The following ZNF569 variants were observed in gnomAD, a reference collection of about 807,000 sequenced individuals.
ZNF569 encodes DNA-binding protein.
A neutral mutation model predicts 56.3 loss-of-function variants in ZNF569; 38 were observed. The ratio of observed to expected loss-of-function variants is 0.68; its 90% CI spans 0.52 to 0.88. The LOEUF (loss-of-function observed/expected upper bound fraction) is 0.88, where lower values mean the gene tolerates loss of function less well. ZNF569 is among the 40% of genes least tolerant of loss of function. The pLI, the probability that ZNF569 is intolerant of heterozygous loss-of-function variation, is 0.00. For synonymous variants in ZNF569, 241 were observed against 262.9 expected, an observed-to-expected ratio of 0.92 and a Z score of 0.81; for missense variants, 666 against 809.2, an observed-to-expected ratio of 0.82 and a Z score of 2.15.
intron 2 of ZNF569, among the ~76,000 whole-genome samples, chr19:37,446,549 CAAAAAAAA>C (rs74174464): frequency 1.7e-5 from 1 of 60,454 alleles, no homozygotes; most frequent in African/African-American, 6.6e-5. Context: ...GACTCCATCT[CAAAAAAAA>C]AAAAAAAAAA....
Position 37,413,321 on chromosome 19 carries a change from G to C in ZNF569, c.1337C>G (p.Ala446Gly). ...AACAAGATTTGACATCTGTATAAAA[G>C]CTTTCCCACATTCATTACACTCATA... ...KPYECNECGK[A>G]FIQMSNLVRH... The change falls in exon 6 of 6, where the codon GCT becomes GGT. Residue 446 changes from alanine (A) to glycine (G), a missense_variant. Transcript: ENST00000316950. 1 of 1,608,060 alleles carries C rather than the reference G, an allele frequency of 6.2e-7. No individual in the cohort carries two copies. The highest frequency in any genetic ancestry group is 8.5e-7 in the Non-Finnish European group (1 of 1,178,148).
chr19:37,445,095 A>G (rs2041470685), intron 2 of ZNF569, 131 bp from the exon 3 acceptor site: 1 of 686,166 alleles, frequency 1.5e-6, no homozygotes, highest in South Asian at 2.2e-5. Context: ...AAGAATATTC[A>G]TACCACAAAG....
intron 2 of ZNF569, among the ~76,000 whole-genome samples, chr19:37,448,717 C>A (rs1049508645): frequency 4.0e-5 from 6 of 151,894 alleles, no homozygotes; most frequent in Admixed American, 1.3e-4. Context: ...GCGCCCGCAA[C>A]CACGCCCGGC....
intron 2 of ZNF569, among the ~76,000 whole-genome samples, chr19:37,452,537 A>G (rs1407344649): frequency 3.3e-5 from 5 of 152,116 alleles, no homozygotes; most frequent in Non-Finnish European, 7.3e-5. Flanking sequence ...TCATTTTTAA[A>G]GGATAGTTTT....
Position 37,412,449 on chromosome 19 carries a change from G to A in ZNF569, c.*148C>T. ...CATTATATAATTTGTCACCTTGGAA[G>A]AATTCTCTAATGTTTCATAAATTTG... is the stretch of plus-strand genomic sequence containing the variant. On this transcript the variant is annotated 3_prime_UTR_variant, in exon 6 of 6. Coordinates refer to ENST00000316950, the MANE Select transcript of ZNF569 (RefSeq NM_152484.3). 1 of 1,313,822 alleles carries A rather than the reference G, an allele frequency of 7.6e-7. No homozygotes were observed. Among genetic ancestry groups the A allele is most frequent in the Non-Finnish European group, 9.8e-7 (1 of 1,022,382 alleles). 81.4% of individuals were successfully genotyped at this position (1,313,822 alleles called of 1,614,324 possible).
chr19:37,451,062 T>C (rs993635227), intron 2 of ZNF569, among the ~76,000 whole-genome samples: 1 of 152,178 alleles, frequency 6.6e-6, no homozygotes, highest in Non-Finnish European at 1.5e-5. Context: ...GAAATGTCCA[T>C]GTGTACTGGA....
chr19:37,461,435 T>C (rs1227724372), intron 2 of ZNF569, among the ~76,000 whole-genome samples: 2 of 151,500 alleles, frequency 1.3e-5, no homozygotes, highest in East Asian at 1.9e-4. Context: ...GGCTCCAGAG[T>C]AGCTGGGACT....
At chr19:37,460,010 G>A (rs777632677) in intron 2 of ZNF569, among the ~76,000 whole-genome samples, 1 of 152,088 alleles carries the variant, frequency 6.6e-6, no homozygotes, top group Admixed American at 6.5e-5. Context: ...AATGAAAACC[G>A]TAGTAATCAG....
At chr19:37,468,130 G>A (rs2041882686), upstream of ZNF569, 12 of 612,118 alleles carry the variant, frequency 2.0e-5, no homozygotes, top group Admixed American at 2.6e-4. Flanking sequence ...TGTTGCCCAG[G>A]CTGGAGAGTG....
chr19:37,457,815 A>G (rs945662571), intron 2 of ZNF569, among the ~76,000 whole-genome samples: 2 of 152,200 alleles, frequency 1.3e-5, no homozygotes, highest in Non-Finnish European at 1.5e-5. Flanking sequence ...GTGCACATGT[A>G]CCCTAGAACT....
intron 2 of ZNF569, among the ~76,000 whole-genome samples, chr19:37,447,780 T>C (rs1158569357): frequency 6.6e-6 from 1 of 152,238 alleles, no homozygotes; most frequent in Non-Finnish European, 1.5e-5. Context: ...AATTCCTAGT[T>C]TGCTGAGGAG....
chr19:37,418,128 TAATAATAA>T (rs1025133808), intron 5 of ZNF569, among the ~76,000 whole-genome samples: 29 of 149,856 alleles, frequency 1.9e-4, no homozygotes, highest in Middle Eastern at 6.9e-3. Flanking sequence ...ATAATAATAA[TAATAATAA>T]AATAAAGTTC....
At chr19:37,440,055 T>C (rs1185678573) in intron 3 of ZNF569, among the ~76,000 whole-genome samples, 1 of 152,204 alleles carries the variant, frequency 6.6e-6, no homozygotes, top group Non-Finnish European at 1.5e-5. Flanking sequence ...TAAATTGGAT[T>C]GTTTGTAACA....
At chr19:37,420,143 C>G (rs987254513) in intron 5 of ZNF569, among the ~76,000 whole-genome samples, 1 of 151,630 alleles carries the variant, frequency 6.6e-6, no homozygotes, top group Admixed American at 6.6e-5. Context: ...TGCGCCACCA[C>G]GCCAGGCTAA....
At position 37,413,703 on chromosome 19, in the gene ZNF569, C is replaced by A. The variant is rs751998313; in HGVS notation, c.955G>T (p.Val319Phe). ...QKQSLIAHQK[V>F]HTGEKPYACN... is the part of the protein sequence containing the mutation. ...GCATAAGGTTTCTCCCCAGTATGAA[C>A]TTTCTGATGTGCAATGAGGCTTTGC... The change falls in exon 6 of 6, where the codon GTT (valine) becomes TTT (phenylalanine). Residue 319 changes from valine (V) to phenylalanine (F), a missense_variant. By Grantham distance (50) the Val-to-Phe change is conservative. Transcript: ENST00000316950. 3.7e-5 allele frequency: 59 copies of A among 1,613,560 alleles called. No homozygotes were observed. The highest frequency in any genetic ancestry group is 4.5e-5 in the Non-Finnish European group (53 of 1,179,818).
intron 3 of ZNF569, among the ~76,000 whole-genome samples, chr19:37,443,459 T>C (rs1184018573): frequency 6.6e-6 from 1 of 152,106 alleles, no homozygotes; most frequent in Non-Finnish European, 1.5e-5. Context: ...GTAGGATAAA[T>C]CTGAAAGAAA....
chr19:37,428,578 T>C (rs1278989565), intron 3 of ZNF569, among the ~76,000 whole-genome samples: 1 of 142,132 alleles, frequency 7.0e-6, no homozygotes, highest in East Asian at 2.0e-4. Flanking sequence ...ATTAGGCAAA[T>C]GTTTAGTAAG....
chr19:37,426,035 G>A, intron 4 of ZNF569, 72 bp from the exon 5 acceptor site: 1 of 1,529,398 alleles, frequency 6.5e-7, no homozygotes, highest in Non-Finnish European at 9.0e-7. Context: ...ATTGAGGCTG[G>A]CCCAGGAAAA....
At chr19:37,420,685 C>A (rs1423828187) in intron 5 of ZNF569, among the ~76,000 whole-genome samples, 2 of 152,192 alleles carry the variant, frequency 1.3e-5, no homozygotes, top group Non-Finnish European at 2.9e-5. Flanking sequence ...CCTTCAAAGT[C>A]ATCCATGAGT....
Sources: gnomAD v4.1 joint callset for allele counts (sites outside exome capture counted in the v4.1 genomes callset) on GRCh38, gnomAD v4.1.1 for gene constraint, MANE v1.5 for transcripts, NCBI Gene and HGNC (gene_info 2026-07-23, HGNC 2026-07-21) for gene names.